The following GRID1 variants were observed in gnomAD, a reference collection of about 807,000 sequenced individuals.
GRID1 encodes glutamate receptor ionotropic, delta-1.
Under a neutral mutation model 98.0 loss-of-function variants are expected in GRID1, and 28 were observed. The ratio of observed to expected loss-of-function variants is 0.29; its 90% CI spans 0.21 to 0.39. GRID1 has a LOEUF of 0.39. Ranked by LOEUF, GRID1 falls within the 10% of genes least tolerant of loss-of-function variation. GRID1 has a pLI of 1.00. For missense variants in GRID1, 1,111 were observed against 1,340.5 expected (o/e 0.83, Z 2.67); for synonymous variants, 553 against 538.5 (o/e 1.03, Z -0.37).
At chr10:85,770,386 G>A (rs918971583) in intron 8 of GRID1, among the ~76,000 whole-genome samples, 16 of 152,154 alleles carry the variant, frequency 1.1e-4, no homozygotes, top group Non-Finnish European at 1.9e-4. Context: ...AAAAAAAAGA[G>A]CAGAAAAACT....
intron 12 of GRID1, among the ~76,000 whole-genome samples, chr10:85,705,951 G>A (rs1000516721): frequency 2.5e-4 from 38 of 152,168 alleles, no homozygotes; most frequent in Admixed American, 2.1e-3. Flanking sequence ...AGGTATTGAT[G>A]GGACGTATCT....
intron 3 of GRID1, among the ~76,000 whole-genome samples, chr10:86,186,579 G>A (rs1187300460): frequency 6.6e-6 from 1 of 152,170 alleles, no homozygotes; most frequent in African/African-American, 2.4e-5. Context: ...TGTCTTTCTT[G>A]ATGGGTGACC....
At chr10:85,881,164 G>A (rs1283406313) in intron 5 of GRID1, among the ~76,000 whole-genome samples, 2 of 152,188 alleles carry the variant, frequency 1.3e-5, no homozygotes, top group Non-Finnish European at 2.9e-5. Flanking sequence ...CTCATGGCTA[G>A]GAAGAATCAA....
chr10:86,032,224 C>T (rs978235251), intron 4 of GRID1, among the ~76,000 whole-genome samples: 8 of 152,096 alleles, frequency 5.3e-5, no homozygotes, highest in East Asian at 3.9e-4. Context: ...AGCCCCCGCC[C>T]GGCAGCCACC....
At chr10:85,827,705 A>T (rs1842832352) in intron 8 of GRID1, among the ~76,000 whole-genome samples, 2 of 152,240 alleles carry the variant, frequency 1.3e-5, no homozygotes, top group African/African-American at 4.8e-5. Flanking sequence ...GAAGAACGGC[A>T]TTACATAAAT....
intron 15 of GRID1, among the ~76,000 whole-genome samples, chr10:85,609,224 C>T (rs1013799133): frequency 2.6e-5 from 4 of 152,152 alleles, no homozygotes; most frequent in Admixed American, 2.0e-4. Context: ...GATAAGGATG[C>T]CTTCTTCAAC....
At chr10:85,720,130 T>G (rs116862267) in intron 12 of GRID1, among the ~76,000 whole-genome samples, 4,945 of 152,282 alleles carry the variant, frequency 0.032, 125 homozygotes, top group Middle Eastern at 0.048. Context: ...GGAAAATATT[T>G]AGCCAACTAA....
At chr10:85,630,140 GC>G (rs1456887442) in intron 13 of GRID1, among the ~76,000 whole-genome samples, 1 of 152,284 alleles carries the variant, frequency 6.6e-6, no homozygotes, top group East Asian at 1.9e-4. Flanking sequence ...TATGTTATCT[GC>G]CCTTTGATTT....
At chr10:85,683,210 G>T (rs1841230756) in intron 12 of GRID1, among the ~76,000 whole-genome samples, 2 of 151,644 alleles carry the variant, frequency 1.3e-5, no homozygotes, top group Admixed American at 1.3e-4. Flanking sequence ...GGCATGCAGA[G>T]AAAAAAAATA....
At chr10:86,230,742 G>A (rs569589100) in intron 2 of GRID1, among the ~76,000 whole-genome samples, 5 of 152,174 alleles carry the variant, frequency 3.3e-5, no homozygotes, top group Admixed American at 6.5e-5. Context: ...CCTCCTCCAC[G>A]AAGACTCCCC....
In GRID1 at chr10:85,771,805, T is replaced by C. The variant is rs375058008; in HGVS notation, c.1234-42191A>G. Among the ~76,000 whole-genome samples the C allele has an allele frequency of 2.6e-4, 40 of 152,142 alleles. No homozygotes were observed. In the East Asian group the frequency reaches 3.3e-3, roughly 12 times the overall value. On this transcript the variant is annotated intron_variant, in intron 8 of 15. Coordinates refer to ENST00000327946, the MANE Select transcript of GRID1 (RefSeq NM_017551.3). ...AATATATATGCACCCAATACAGGAG[T>C]ACCCAGATTCATAAAGCAAGTCCTG...
At chr10:85,957,728 A>G (rs1000209584) in intron 4 of GRID1, among the ~76,000 whole-genome samples, 1 of 152,182 alleles carries the variant, frequency 6.6e-6, no homozygotes, top group Admixed American at 6.5e-5. Flanking sequence ...TCTGCAGGCC[A>G]TGCTCTCCCT....
chr10:86,298,020 A>G (rs1902692), intron 2 of GRID1, among the ~76,000 whole-genome samples: 10,059 of 152,308 alleles, frequency 0.066, 599 homozygotes, highest in African/African-American at 0.16. Flanking sequence ...CAAGTACCAT[A>G]AAAATGCCCA....
chr10:85,917,815 C>T (rs763540492), intron 4 of GRID1, among the ~76,000 whole-genome samples: 1 of 152,236 alleles, frequency 6.6e-6, no homozygotes, highest in Non-Finnish European at 1.5e-5. Context: ...CCCCTTTCTA[C>T]AAACTCAGTT....
intron 4 of GRID1, among the ~76,000 whole-genome samples, chr10:85,972,801 C>A (rs1246705452): frequency 5.9e-5 from 9 of 152,060 alleles, no homozygotes; most frequent in Middle Eastern, 3.2e-3. Context: ...AACAAATGAA[C>A]ACATTGATGA....
intron 4 of GRID1, among the ~76,000 whole-genome samples, chr10:86,073,587 C>T (rs1194498588): frequency 6.6e-6 from 1 of 152,152 alleles, no homozygotes; most frequent in African/African-American, 2.4e-5. Flanking sequence ...GAGGCTGGGC[C>T]CGGCCCTGCT....
At chr10:85,748,304 T>C (rs1163373214) in intron 8 of GRID1, among the ~76,000 whole-genome samples, 1 of 152,146 alleles carries the variant, frequency 6.6e-6, no homozygotes, top group African/African-American at 2.4e-5. Context: ...AACCTGAGGC[T>C]CAAGGGTGAG....
In GRID1 at chr10:85,670,231, C is replaced by A. The variant is rs556087439; in HGVS notation, c.1998-22834G>T. On this transcript the variant is annotated intron_variant, in intron 12 of 15. Coordinates refer to ENST00000327946, the MANE Select transcript of GRID1 (RefSeq NM_017551.3). ...CTTTCTTTCACCCATCTTTTTCCAT[C>A]TTCAGAAAACAGAGCTACTAGGAAT... Among the ~76,000 whole-genome samples the A allele has an allele frequency of 3.9e-5, 6 of 152,240 alleles. No individual in the cohort carries two copies. The East Asian group carries it at 1.2e-3, about 29-fold the overall frequency.
intron 2 of GRID1, among the ~76,000 whole-genome samples, chr10:86,235,531 C>G (rs780655475): frequency 6.6e-6 from 1 of 152,218 alleles, no homozygotes; most frequent in Admixed American, 6.5e-5. Flanking sequence ...TCCCCTCATG[C>G]CTGTTTACAG....
Sources: gnomAD v4.1 joint callset for allele counts (sites outside exome capture counted in the v4.1 genomes callset) on GRCh38, gnomAD v4.1.1 for gene constraint, MANE v1.5 for transcripts, NCBI Gene and HGNC (gene_info 2026-07-23, HGNC 2026-07-21) for gene names.